The following PRKG1 variants were observed in gnomAD, a reference collection of about 807,000 sequenced individuals.
PRKG1 encodes the protein cGMP-dependent protein kinase 1.
In PRKG1, 35 loss-of-function variants were observed where a neutral mutation model predicts 88.1. The observed-to-expected ratio is 0.40, with a 90% CI of 0.30 to 0.53. The LOEUF is 0.53. Among genes scored for constraint, PRKG1 ranks in the 20% least tolerant of loss-of-function variants. PRKG1 has a pLI of 0.59. For missense variants in PRKG1, 540 were observed against 839.8 expected, an observed-to-expected ratio of 0.64 and a Z score of 4.41; for synonymous variants, 303 against 292.5, an observed-to-expected ratio of 1.04 and a Z score of -0.37.
intron 1 of PRKG1, among the ~76,000 whole-genome samples, chr10:51,075,934 A>G (rs1300459827): frequency 6.6e-6 from 1 of 152,226 alleles, no homozygotes; most frequent in Non-Finnish European, 1.5e-5. Context: ...TAATAACGTA[A>G]TTGATAAAAC....
At chr10:51,569,034 TA>T (rs34711681) in intron 3 of PRKG1, among the ~76,000 whole-genome samples, 10,484 of 152,076 alleles carry the variant, frequency 0.069, 1,179 homozygotes, top group African/African-American at 0.24. Flanking sequence ...TATTACAATA[TA>T]ATATGACTTG....
At chr10:51,976,566 G>A (rs1843839906) in intron 5 of PRKG1, among the ~76,000 whole-genome samples, 1 of 151,984 alleles carries the variant, frequency 6.6e-6, no homozygotes, top group Non-Finnish European at 1.5e-5. Flanking sequence ...TATAGAAACA[G>A]TAGTAGATTC....
chr10:51,363,144 A>G lies in PRKG1; in HGVS notation c.479-104579A>G, dbSNP rs539785771. Among the ~76,000 whole-genome samples the G allele has an allele frequency of 3.9e-5, 6 of 151,936 alleles. No homozygotes were observed. The South Asian group carries it at 6.2e-4, about 16-fold the overall frequency. On this transcript the variant is annotated intron_variant, in intron 2 of 17. Coordinates refer to ENST00000373980, the MANE Select transcript of PRKG1 (RefSeq NM_006258.4). The stretch of plus-strand genomic sequence containing the variant: ...CCTTATATGAATCTAATGTATAATC[A>G]GCAATGACAATCATTGAATATTTTT...
At chr10:51,563,729 A>T (rs1837529618) in intron 3 of PRKG1, among the ~76,000 whole-genome samples, 1 of 152,182 alleles carries the variant, frequency 6.6e-6, no homozygotes, top group Non-Finnish European at 1.5e-5. Flanking sequence ...TTTTCCAAAT[A>T]ATATTTGAAA....
chr10:51,200,004 A>C (rs1406187311), intron 2 of PRKG1, among the ~76,000 whole-genome samples: 2 of 152,228 alleles, frequency 1.3e-5, no homozygotes, highest in African/African-American at 4.8e-5. Flanking sequence ...AAGAAAGCCT[A>C]CAAAACACTA....
chr10:51,370,473 A>T (rs1407197461), intron 2 of PRKG1, among the ~76,000 whole-genome samples: 1 of 146,684 alleles, frequency 6.8e-6, no homozygotes, highest in East Asian at 2.0e-4. Flanking sequence ...AGAGAGAGAG[A>T]AAGAGACAGA....
intron 7 of PRKG1, among the ~76,000 whole-genome samples, chr10:52,065,831 A>G (rs1209104683): frequency 6.6e-6 from 1 of 152,238 alleles, no homozygotes; most frequent in Non-Finnish European, 1.5e-5. Context: ...ATGGCATTTT[A>G]TAGAAATCAG....
intron 9 of PRKG1, among the ~76,000 whole-genome samples, chr10:52,194,111 A>G (rs1430807954): frequency 1.3e-5 from 2 of 152,152 alleles, no homozygotes; most frequent in Admixed American, 6.5e-5. Flanking sequence ...AGAAAATTCA[A>G]ACAGTACAAT....
chr10:51,802,927 A>G (rs1839212398), intron 3 of PRKG1, among the ~76,000 whole-genome samples: 1 of 152,060 alleles, frequency 6.6e-6, no homozygotes, highest in South Asian at 2.1e-4. Flanking sequence ...AAGCTCAGCC[A>G]TTTCAGTCTC....
chr10:51,539,061 G>A (rs768639219), intron 3 of PRKG1, among the ~76,000 whole-genome samples: 9 of 152,062 alleles, frequency 5.9e-5, no homozygotes, highest in Non-Finnish European at 1.3e-4. Flanking sequence ...TTATGTAATA[G>A]AGGAAATTAA....
At chr10:52,217,336 TTATA>T (rs151081599) in intron 9 of PRKG1, among the ~76,000 whole-genome samples, 3 of 69,634 alleles carry the variant, frequency 4.3e-5, no homozygotes, top group African/African-American at 1.3e-4. Context: ...ACGTACACAT[TTATA>T]TATCTATCTA....
At chr10:51,257,166 GTTT>G (rs35730040) in intron 2 of PRKG1, among the ~76,000 whole-genome samples, 95 of 138,766 alleles carry the variant, frequency 6.8e-4, no homozygotes, top group African/African-American at 2.2e-3. Context: ...TCAGAGAAGG[GTTT>G]TTTTTTTTTT....
rs1352852234 is a variant in PRKG1 at position 51,104,518 on chromosome 10, G to T, written c.311+29617G>T. Among the ~76,000 whole-genome samples, 4 of 152,016 alleles carry T rather than the reference G, an allele frequency of 2.6e-5. No individual in the cohort carries two copies. In the East Asian group the frequency reaches 7.8e-4, roughly 29 times the overall value. On this transcript the variant is annotated intron_variant, in intron 1 of 17. Coordinates refer to ENST00000373980, the MANE Select transcript of PRKG1 (RefSeq NM_006258.4). ...ATTTTTGATGCTTCTGAATAAAGCT[G>T]CAGTCTTTCCTTTTTTCTTGAGATG...
chr10:51,295,350 C>T (rs1203594165), intron 2 of PRKG1, among the ~76,000 whole-genome samples: 1 of 151,782 alleles, frequency 6.6e-6, no homozygotes, highest in Non-Finnish European at 1.5e-5. Flanking sequence ...AGTCTTTTGC[C>T]TCTTAAGTTC....
intron 2 of PRKG1, among the ~76,000 whole-genome samples, chr10:51,207,134 A>G (rs748687695): frequency 3.9e-5 from 6 of 152,238 alleles, no homozygotes; most frequent in Non-Finnish European, 8.8e-5. Flanking sequence ...TTGACAAGTC[A>G]GGCTGGGAAT....
At chr10:51,845,763 T>C (rs1230526038) in intron 4 of PRKG1, among the ~76,000 whole-genome samples, 1 of 152,154 alleles carries the variant, frequency 6.6e-6, no homozygotes, top group East Asian at 1.9e-4. Flanking sequence ...AACTAGCTTT[T>C]TTTGGCAAAG....
At chr10:51,175,141 T>C (rs1012813991) in intron 2 of PRKG1, among the ~76,000 whole-genome samples, 2 of 151,590 alleles carry the variant, frequency 1.3e-5, no homozygotes, top group African/African-American at 4.8e-5. Flanking sequence ...ACACACATAC[T>C]AACAACGTAA....
At chr10:52,038,230 G>A (rs536804754) in intron 5 of PRKG1, among the ~76,000 whole-genome samples, 55 of 152,072 alleles carry the variant, frequency 3.6e-4, no homozygotes, top group African/African-American at 1.3e-3. Context: ...AATGAAGGGT[G>A]GAAGGTTGCC....
At chr10:51,524,774 A>C (rs1219239500) in intron 3 of PRKG1, among the ~76,000 whole-genome samples, 1 of 152,218 alleles carries the variant, frequency 6.6e-6, no homozygotes, top group African/African-American at 2.4e-5. Flanking sequence ...AAGTGCTTTG[A>C]CTATGCTCAA....
Sources: gnomAD v4.1 joint callset for allele counts (sites outside exome capture counted in the v4.1 genomes callset) on GRCh38, gnomAD v4.1.1 for gene constraint, MANE v1.5 for transcripts, NCBI Gene and HGNC (gene_info 2026-07-23, HGNC 2026-07-21) for gene names.